Variants in UGT2B17 observed in about 807,000 individuals in gnomAD.
UGT2B17 encodes the protein UDP-glucuronosyltransferase 2B17.
In UGT2B17, 21 loss-of-function variants were observed where a neutral mutation model predicts 48.2. The ratio of observed to expected loss-of-function variants is 0.44; its 90% CI spans 0.31 to 0.63. UGT2B17 has a LOEUF of 0.63. Among genes scored for constraint, UGT2B17 ranks in the 20% least tolerant of loss-of-function variants. UGT2B17 has a pLI of 0.08. For missense variants in UGT2B17, 402 were observed against 696.1 expected (o/e 0.58, Z 4.75); for synonymous variants, 146 against 238.4 (o/e 0.61, Z 3.57).
rs577302671 is a variant in UGT2B17 at position 68,573,783 on chromosome 4, A to T, written c.-65+2168T>A. On this transcript the variant is annotated intron_variant, in intron 1 of 6. Coordinates refer to ENST00000317746, the MANE Select transcript of UGT2B17 (RefSeq NM_001077.4). Reference sequence around the variant, plus strand: ...GGCTGATTGATTGATAAGCTCTTGAAAATTCTTAAGCTCACTGCATCCTTT... The same window carrying T: ...GGCTGATTGATTGATAAGCTCTTGATAATTCTTAAGCTCACTGCATCCTTT... Among the ~76,000 whole-genome samples, 6 of 126,762 alleles carry T rather than the reference A, an allele frequency of 4.7e-5. 2 individuals carry two copies. The highest frequency in any genetic ancestry group is 8.4e-5 in the Non-Finnish European group (5 of 59,648). The allele number at this position is 126,762 out of a possible 152,430, so 83.2% of individuals were successfully genotyped here.
rs1017264814 is a variant in UGT2B17, at chr4:68,561,291, AC to A, written c.874-624del. Among the ~76,000 whole-genome samples, 30 of 78,624 alleles carry A rather than the reference AC, an allele frequency of 3.8e-4. 8 individuals carry two copies. Among genetic ancestry groups the A allele is most frequent in the African/African-American group, 1.4e-3 (30 of 22,166 alleles). 51.6% of individuals were successfully genotyped at this position (78,624 alleles called of 152,430 possible). A position where few individuals can be genotyped will look rare whatever the true frequency, so the allele number is the denominator to read the frequency against. ...ACCCCTCACTTCCCCCGACACCCCC[AC>A]CCCCAAAAAACACCTTAAAAGCTGA... On this transcript the variant is annotated intron_variant, in intron 3 of 6. Coordinates refer to ENST00000317746, the MANE Select transcript of UGT2B17 (RefSeq NM_001077.4).
Position 68,565,562 on chromosome 4 carries a change from A to G in UGT2B17, c.873+10T>C, listed in dbSNP as rs114235211. On this transcript the variant is annotated intron_variant, in intron 3 of 6. Coordinates refer to ENST00000317746, the MANE Select transcript of UGT2B17 (RefSeq NM_001077.4). ...TGTCAAGCAAACAAATGAAACAAGA[A>G]TATGTTCACCTTAGGCAAGGGTTTG... The G allele has an allele frequency of 7.5e-3, 10,198 of 1,360,510 alleles. 2,437 individuals carry two copies. The African/African-American group carries it at 0.14, about 18-fold the overall frequency. 84.3% of individuals were successfully genotyped at this position (1,360,510 alleles called of 1,614,324 possible).
rs1482844705 is a variant in UGT2B17, at chr4:68,548,605, T to G, written c.1313+2072A>C. Among the ~76,000 whole-genome samples the G allele has an allele frequency of 2.4e-5, 3 of 125,242 alleles. 1 individual carries two copies. The highest frequency in any genetic ancestry group is 5.1e-5 in the Non-Finnish European group (3 of 59,168). 82.2% of individuals were successfully genotyped at this position (125,242 alleles called of 152,430 possible). A position where few individuals can be genotyped will look rare whatever the true frequency, so the allele number is the denominator to read the frequency against. Reference sequence around the variant, plus strand: ...AAAATTACTTTGGGCAGCATGGCCATTTTTACAATTCTGATTTTTTTATCC... The same window carrying G: ...AAAATTACTTTGGGCAGCATGGCCAGTTTTACAATTCTGATTTTTTTATCC... On this transcript the variant is annotated intron_variant, in intron 6 of 6. Coordinates refer to ENST00000317746, the MANE Select transcript of UGT2B17 (RefSeq NM_001077.4).
Position 68,571,806 on chromosome 4 carries a change from T to C in UGT2B17, c.-64-3258A>G, listed in dbSNP as rs1318089003. On this transcript the variant is annotated intron_variant, in intron 1 of 6. Transcript: ENST00000317746. ...TAGGCTAATTGCAAAAAGAAATTTT[T>C]AGTTTTTCCTGGAATCTCAGGTACT... Among the ~76,000 whole-genome samples the C allele has an allele frequency of 3.2e-5, 4 of 126,236 alleles. 1 individual carries two copies. Among genetic ancestry groups the C allele is most frequent in the Admixed American group, 1.6e-4 (2 of 12,348 alleles). 82.8% of individuals were successfully genotyped at this position (126,236 alleles called of 152,430 possible). A position where few individuals can be genotyped will look rare whatever the true frequency, so the allele number is the denominator to read the frequency against.
At position 68,558,160 on chromosome 4, in the gene UGT2B17, T is replaced by C. The variant is rs561895051; in HGVS notation, c.1005+2377A>G. ...GGCCAAGTATAATAAAGCAAATCAG[T>C]TGTACCATGGTTTGTCTTTAGTAAA... On this transcript the variant is annotated intron_variant, in intron 4 of 6. Coordinates refer to ENST00000317746, the MANE Select transcript of UGT2B17 (RefSeq NM_001077.4). 1.3e-3 allele frequency among the ~76,000 whole-genome samples: 162 copies of C among 122,786 alleles called. 20 individuals are homozygous for C. The highest frequency in any genetic ancestry group is 4.2e-3 in the African/African-American group (152 of 36,356). The allele number at this position is 122,786 out of a possible 152,430, so 80.6% of individuals were successfully genotyped here.
At position 68,552,869 on chromosome 4, in the gene UGT2B17, T is replaced by C. The variant is rs1420487213; in HGVS notation, c.1006-958A>G. On this transcript the variant is annotated intron_variant, in intron 4 of 6. Transcript: ENST00000317746. ...TATTTTTTTTTGGAGTTTTACTTGCTTCCTACAAGAAAGGCAATATTTCCT... is the reference window on the plus strand; with the variant it reads ...TATTTTTTTTTGGAGTTTTACTTGCCTCCTACAAGAAAGGCAATATTTCCT... Among the ~76,000 whole-genome samples, 3 of 124,754 alleles carry C rather than the reference T, an allele frequency of 2.4e-5. 1 individual carries two copies. Among genetic ancestry groups the C allele is most frequent in the Non-Finnish European group, 5.1e-5 (3 of 59,154 alleles). The allele number at this position is 124,754 out of a possible 152,430, so 81.8% of individuals were successfully genotyped here.
At chr4:68,555,942 G>C (rs1472519866) in intron 4 of UGT2B17, among the ~76,000 whole-genome samples, 1 of 60,918 alleles carries the variant, frequency 1.6e-5, no homozygotes, top group African/African-American at 5.6e-5. Context: ...TTTTTTTTTT[G>C]TAAAAAGCTT....
chr4:68,537,468 T>G lies in UGT2B17; in HGVS notation c.*157A>C. On this transcript the variant is annotated 3_prime_UTR_variant, in exon 7 of 7. Coordinates refer to ENST00000317746, the MANE Select transcript of UGT2B17 (RefSeq NM_001077.4). Reference sequence around the variant, plus strand: ...ATAGAATAATTCCAACTAAAGTACATATTAAATTCCTGGAAAATAAATTTT... The same window carrying G: ...ATAGAATAATTCCAACTAAAGTACAGATTAAATTCCTGGAAAATAAATTTT... 3.3e-6 allele frequency: 2 copies of G among 613,302 alleles called. 1 individual carries two copies. Among genetic ancestry groups the G allele is most frequent in the Non-Finnish European group, 4.5e-6 (2 of 440,816 alleles). The allele number at this position is 613,302 out of a possible 1,614,324, so 38.0% of individuals were successfully genotyped here. A position where few individuals can be genotyped will look rare whatever the true frequency, so the allele number is the denominator to read the frequency against.
chr4:68,560,086 C>A (rs1433784226), intron 4 of UGT2B17, among the ~76,000 whole-genome samples: 1 of 128,498 alleles, frequency 7.8e-6, no homozygotes, highest in Non-Finnish European at 1.7e-5. Context: ...TAAGACGAAG[C>A]TGCATGATGC....
chr4:68,567,840 C>A lies in UGT2B17; in HGVS notation c.645G>T (p.Met215Ile), dbSNP rs1364857754. ...AAAAGTCAAAATAAAGCATATATATCATATTTTTTATCCTCTCCATGAAAA... is the reference window on the plus strand; with the variant it reads ...AAAAGTCAAAATAAAGCATATATATAATATTTTTTATCCTCTCCATGAAAA... ...QMIFMERIKN[M>I]IYMLYFDFWF... The change falls in exon 2 of 7, where the codon ATG becomes ATT. Residue 215 changes from methionine (M) to isoleucine (I), a missense_variant. By Grantham distance (10) the Met-to-Ile change is conservative (BLOSUM62 1). Around this residue, in one of 5 missense-constraint regions of UGT2B17, gnomAD observed 106 missense variants for 169.8 expected, o/e 0.62. Coordinates refer to ENST00000317746, the MANE Select transcript of UGT2B17 (RefSeq NM_001077.4). 1.5e-6 allele frequency: 2 copies of A among 1,374,968 alleles called. 1 individual carries two copies. 85.2% of individuals were successfully genotyped at this position (1,374,968 alleles called of 1,614,324 possible).
chr4:68,568,985 C>T lies in UGT2B17; in HGVS notation c.-64-437G>A, dbSNP rs1239212911. Among the ~76,000 whole-genome samples, 2 of 137,790 alleles carry T rather than the reference C, an allele frequency of 1.5e-5. 1 individual carries two copies. Among genetic ancestry groups the T allele is most frequent in the African/African-American group, 5.1e-5 (2 of 39,516 alleles). The allele number at this position is 137,790 out of a possible 152,430, so 90.4% of individuals were successfully genotyped here. A position where few individuals can be genotyped will look rare whatever the true frequency, so the allele number is the denominator to read the frequency against. ...AAGATTCTATACAATAGCCTCTAACCCCCCACTCTGAAATTTTGCATCCAT... is the reference window on the plus strand; with the variant it reads ...AAGATTCTATACAATAGCCTCTAACTCCCCACTCTGAAATTTTGCATCCAT... On this transcript the variant is annotated intron_variant, in intron 1 of 6. Coordinates refer to ENST00000317746, the MANE Select transcript of UGT2B17 (RefSeq NM_001077.4).
In UGT2B17 at chr4:68,562,795, T is replaced by C. The variant is rs1338018461; in HGVS notation, c.874-2127A>G. 3.2e-5 allele frequency among the ~76,000 whole-genome samples: 4 copies of C among 126,742 alleles called. 2 individuals carry two copies. The highest frequency in any genetic ancestry group is 6.7e-5 in the Non-Finnish European group (4 of 59,744). The allele number at this position is 126,742 out of a possible 152,430, so 83.1% of individuals were successfully genotyped here. A position where few individuals can be genotyped will look rare whatever the true frequency, so the allele number is the denominator to read the frequency against. On this transcript the variant is annotated intron_variant, in intron 3 of 6. Transcript: ENST00000317746. ...ATTTATATAACTCAATGTACATATGTGATGTTTATTTAGAAAATTTTTTCT... is the reference window on the plus strand; with the variant it reads ...ATTTATATAACTCAATGTACATATGCGATGTTTATTTAGAAAATTTTTTCT...
chr4:68,573,318 G>A lies in UGT2B17; in HGVS notation c.-65+2633C>T, dbSNP rs776402262. The stretch of plus-strand genomic sequence containing the variant: ...TTTTTTTCTCTTTCTGACACATAGA[G>A]TGTGAAGAGTTTTGTCAGGTCAGGT... On this transcript the variant is annotated intron_variant, in intron 1 of 6. Coordinates refer to ENST00000317746, the MANE Select transcript of UGT2B17 (RefSeq NM_001077.4). Among the ~76,000 whole-genome samples, 19 of 125,194 alleles carry A rather than the reference G, an allele frequency of 1.5e-4. 6 individuals carry two copies. The highest frequency in any genetic ancestry group is 1.1e-3 in the South Asian group (3 of 2,840). 82.1% of individuals were successfully genotyped at this position (125,194 alleles called of 152,430 possible). A position where few individuals can be genotyped will look rare whatever the true frequency, so the allele number is the denominator to read the frequency against.
At chr4:68,550,635 T>A (rs62316988) in intron 6 of UGT2B17, 42 bp downstream of exon 6, 805,209 of 1,321,054 alleles carry the variant, frequency 0.61, 327,019 homozygotes, top group Middle Eastern at 0.77. Flanking sequence ...GTTGACAAAA[T>A]AATTTGTAAG....
intron 3 of UGT2B17, 122 bp downstream of exon 3, chr4:68,565,450 G>A (rs1248016358): frequency 3.3e-6 from 3 of 908,790 alleles, no homozygotes; most frequent in Non-Finnish European, 4.4e-6. Context: ...TTTTCTAATG[G>A]CAAGTCCTTT....
Position 68,542,889 on chromosome 4 carries a change from G to C in UGT2B17, c.1314-4985C>G, listed in dbSNP as rs759847352. ...CGAACTGCAAGGCAGCAGTGAGACTGGGGGAGGGGCGCCTGCCATTCCCAT... is the reference window on the plus strand; with the variant it reads ...CGAACTGCAAGGCAGCAGTGAGACTCGGGGAGGGGCGCCTGCCATTCCCAT... On this transcript the variant is annotated intron_variant, in intron 6 of 6. Coordinates refer to ENST00000317746, the MANE Select transcript of UGT2B17 (RefSeq NM_001077.4). Among the ~76,000 whole-genome samples the C allele has an allele frequency of 1.6e-5, 2 of 127,008 alleles. 1 individual carries two copies. The highest frequency in any genetic ancestry group is 5.4e-5 in the African/African-American group (2 of 37,154). 83.3% of individuals were successfully genotyped at this position (127,008 alleles called of 152,430 possible). A position where few individuals can be genotyped will look rare whatever the true frequency, so the allele number is the denominator to read the frequency against.
chr4:68,552,800 A>G (rs1178285423), intron 4 of UGT2B17, among the ~76,000 whole-genome samples: 1 of 124,900 alleles, frequency 8.0e-6, no homozygotes, highest in Non-Finnish European at 1.7e-5. Context: ...TTCAGTCAAG[A>G]CCAAAAGTTT....
chr4:68,559,136 T>C (rs1270709995), intron 4 of UGT2B17, among the ~76,000 whole-genome samples: 1 of 125,392 alleles, frequency 8.0e-6, no homozygotes, highest in Non-Finnish European at 1.7e-5. Flanking sequence ...TTTATTAATT[T>C]TTGAGTGATA....
intron 4 of UGT2B17, among the ~76,000 whole-genome samples, chr4:68,553,601 T>G (rs1730952943): frequency 8.0e-6 from 1 of 125,394 alleles, no homozygotes; most frequent in Non-Finnish European, 1.7e-5. Context: ...CAGATTACCT[T>G]GTACTGTGAG....
Sources: allele counts gnomAD v4.1 joint callset (sites outside exome capture counted in the v4.1 genomes callset), GRCh38; gene constraint gnomAD v4.1.1; regional missense constraint gnomAD v4.1.1; transcripts MANE v1.5; gene names NCBI Gene and HGNC (gene_info 2026-07-23, HGNC 2026-07-21).